Variants in KALRN observed in about 807,000 individuals in gnomAD.
KALRN encodes the protein kalirin RhoGEF kinase, also known as kalirin.
In KALRN, 70 loss-of-function variants were observed where a neutral mutation model predicts 353.7. The ratio of observed to expected loss-of-function variants is 0.20; its 90% CI spans 0.16 to 0.24. The LOEUF (loss-of-function observed/expected upper bound fraction) is 0.24, where lower values mean the gene tolerates loss of function less well. Ranked by LOEUF, KALRN falls within the 10% of genes least tolerant of loss-of-function variation. KALRN has a pLI of 1.00. For missense variants in KALRN, 2,791 were observed against 3,756.7 expected, an observed-to-expected ratio of 0.74 and a Z score of 6.72; for synonymous variants, 1,391 against 1,434.8, an observed-to-expected ratio of 0.97 and a Z score of 0.69.
chr3:124,066,142 G>A (rs1217010666), intron 1 of KALRN, among the ~76,000 whole-genome samples: 6 of 152,286 alleles, frequency 3.9e-5, no homozygotes, highest in Non-Finnish European at 2.9e-5. Flanking sequence ...GAGCATATTA[G>A]ACAATGACAT....
intron 15 of KALRN, among the ~76,000 whole-genome samples, chr3:124,428,196 A>G (rs1158471799): frequency 6.6e-6 from 1 of 152,256 alleles, no homozygotes; most frequent in Non-Finnish European, 1.5e-5. Context: ...ATCAGTGATC[A>G]GAGTAAAAGG....
intron 37 of KALRN, among the ~76,000 whole-genome samples, chr3:124,646,938 A>G (rs2082830309): frequency 6.6e-6 from 1 of 152,170 alleles, no homozygotes; most frequent in African/African-American, 2.4e-5. Flanking sequence ...GTCCCAAATT[A>G]TGAAAATATC....
chr3:124,354,226 C>T (rs1400011600), intron 10 of KALRN, among the ~76,000 whole-genome samples: 1 of 152,216 alleles, frequency 6.6e-6, no homozygotes, highest in Non-Finnish European at 1.5e-5. Flanking sequence ...GACATAAGTT[C>T]TGAGTAACAA....
At chr3:124,593,944 C>T (rs2076040133) in intron 34 of KALRN, among the ~76,000 whole-genome samples, 1 of 151,942 alleles carries the variant, frequency 6.6e-6, no homozygotes. Context: ...CCTCCTACCT[C>T]AGCCCTTCAA....
chr3:124,514,958 T>C (rs939204296), intron 33 of KALRN, among the ~76,000 whole-genome samples: 20 of 152,226 alleles, frequency 1.3e-4, no homozygotes, highest in Non-Finnish European at 2.6e-4. Context: ...CTGTTTATTC[T>C]GTCTTAGCCA....
rs142792577 is a variant in KALRN at position 124,525,392 on chromosome 3, G to A, written c.4935+28979G>A. 6.6e-3 allele frequency among the ~76,000 whole-genome samples: 1,002 copies of A among 152,292 alleles called. 14 individuals are homozygous for A. The highest frequency in any genetic ancestry group is 0.02 in the Middle Eastern group (6 of 294). On this transcript the variant is annotated intron_variant, in intron 33 of 59. Transcript: ENST00000682506. ...ATCAGCTTTATACCTAACATAATGTGGAGGTTTTAGATTTGCCTGTGTTGA... is the reference window on the plus strand; with the variant it reads ...ATCAGCTTTATACCTAACATAATGTAGAGGTTTTAGATTTGCCTGTGTTGA...
chr3:124,084,571 C>G (rs776209010), intron 1 of KALRN, among the ~76,000 whole-genome samples: 2 of 152,216 alleles, frequency 1.3e-5, no homozygotes, highest in Non-Finnish European at 2.9e-5. Context: ...CTGTCTCTTT[C>G]ACCAGCTGAA....
In KALRN at chr3:124,450,585, G is replaced by A. The variant is rs1279448546; in HGVS notation, c.3552+3700G>A. On this transcript the variant is annotated intron_variant, in intron 21 of 59. Coordinates refer to ENST00000682506, the MANE Select transcript of KALRN (RefSeq NM_001388419.1). ...ACTCTTTTTTTTTTTTTTTTGAGATGGAGTTTCACTCTTGTTGCCCAGGCT... is the reference window on the plus strand; with the variant it reads ...ACTCTTTTTTTTTTTTTTTTGAGATAGAGTTTCACTCTTGTTGCCCAGGCT... Among the ~76,000 whole-genome samples, 3 of 144,962 alleles carry A rather than the reference G, an allele frequency of 2.1e-5. No individual in the cohort carries two copies. The Admixed American group carries it at 2.1e-4, about 10-fold the overall frequency.
At chr3:124,120,711 A>AATATATATATATAT (rs368470724) in intron 1 of KALRN, among the ~76,000 whole-genome samples, 113 of 98,870 alleles carry the variant, frequency 1.1e-3, no homozygotes, top group Middle Eastern at 4.8e-3. Flanking sequence ...GAATACTAAA[A>AATATATATATATAT]ATATATATAT....
chr3:124,165,029 G>C (rs992128535), intron 1 of KALRN, among the ~76,000 whole-genome samples: 1 of 152,186 alleles, frequency 6.6e-6, no homozygotes, highest in Non-Finnish European at 1.5e-5. Flanking sequence ...CATTGCTGAA[G>C]GTTTCTTCTG....
At chr3:124,102,518 G>T (rs2061960867) in intron 1 of KALRN, among the ~76,000 whole-genome samples, 1 of 152,224 alleles carries the variant, frequency 6.6e-6, no homozygotes, top group Non-Finnish European at 1.5e-5. Flanking sequence ...ATGTGCTCCT[G>T]TGGGTAGTAA....
At chr3:124,640,286 C>CTTTTTTTTTTTT (rs71777187) in intron 37 of KALRN, among the ~76,000 whole-genome samples, 1 of 127,468 alleles carries the variant, frequency 7.8e-6, no homozygotes. Flanking sequence ...TTCTTTCTTT[C>CTTTTTTTTTTTT]TTTTTTTTTT....
intron 6 of KALRN, among the ~76,000 whole-genome samples, chr3:124,300,416 AC>A (rs1475819305): frequency 6.6e-6 from 1 of 152,162 alleles, no homozygotes; most frequent in Non-Finnish European, 1.5e-5. Flanking sequence ...TATCATAGCC[AC>A]CCAGAGAGAC....
intron 34 of KALRN, among the ~76,000 whole-genome samples, chr3:124,618,428 A>C (rs972082995): frequency 2.6e-5 from 4 of 151,982 alleles, no homozygotes; most frequent in Admixed American, 1.3e-4. Context: ...CAGAAATCTT[A>C]GTGAATGAAA....
chr3:124,388,204 C>T (rs1430338469), intron 11 of KALRN, among the ~76,000 whole-genome samples: 1 of 152,070 alleles, frequency 6.6e-6, no homozygotes. Context: ...ATGAGGATGA[C>T]TATTACAACA....
chr3:124,500,367 C>A (rs1419411418), intron 33 of KALRN, among the ~76,000 whole-genome samples: 1 of 152,132 alleles, frequency 6.6e-6, no homozygotes, highest in African/African-American at 2.4e-5. Flanking sequence ...CAAATTCTTG[C>A]TAAAAAGACA....
intron 33 of KALRN, among the ~76,000 whole-genome samples, chr3:124,545,381 C>T (rs1484373847): frequency 6.6e-6 from 1 of 152,186 alleles, no homozygotes; most frequent in Non-Finnish European, 1.5e-5. Context: ...AGTTTTATGC[C>T]TAGGGAATGA....
intron 5 of KALRN, among the ~76,000 whole-genome samples, chr3:124,273,045 C>T (rs990675045): frequency 3.3e-5 from 5 of 152,232 alleles, no homozygotes; most frequent in Non-Finnish European, 5.9e-5. Flanking sequence ...GATAGTTCAG[C>T]CTCTATTTTT....
At chr3:124,696,351 G>A (rs111234649) in intron 54 of KALRN, 96 bp downstream of exon 54, 15 of 1,202,780 alleles carry the variant, frequency 1.2e-5, no homozygotes, top group African/African-American at 6.2e-5. Context: ...GTTCATGGCA[G>A]CCTTGACCTC....
Sources: gnomAD v4.1 joint callset for allele counts (sites outside exome capture counted in the v4.1 genomes callset) on GRCh38, gnomAD v4.1.1 for gene constraint, MANE v1.5 for transcripts, NCBI Gene and HGNC (gene_info 2026-07-23, HGNC 2026-07-21) for gene names.